Variants in TENM1 observed in about 807,000 individuals in gnomAD.
The protein encoded by TENM1 is teneurin-1.
TENM1 carries 35 observed loss-of-function variants against 174.8 expected under a neutral mutation model. The ratio of observed to expected loss-of-function variants is 0.20; its 90% CI spans 0.15 to 0.27. The LOEUF is 0.27. Ranked by LOEUF, TENM1 falls within the 10% of genes least tolerant of loss-of-function variation. The probability of loss-of-function intolerance (pLI) is 1.00; values close to 1 mark genes in which losing one functional copy is unlikely to be tolerated. For missense variants in TENM1, 1,633 were observed against 2,130.1 expected, an observed-to-expected ratio of 0.77 and a Z score of 4.59; for synonymous variants, 781 against 798.7, an observed-to-expected ratio of 0.98 and a Z score of 0.37.
chrX:124,402,524 C>T (rs887750609), intron 27 of TENM1, among the ~76,000 whole-genome samples: 2 of 112,301 alleles, frequency 1.8e-5, no homozygotes, highest in African/African-American at 6.5e-5. Flanking sequence ...CAATTAGCTT[C>T]TCAGCACTAA....
intron 6 of TENM1, among the ~76,000 whole-genome samples, chrX:124,655,932 G>A (rs2051430359): frequency 8.9e-6 from 1 of 111,952 alleles, no homozygotes; most frequent in African/African-American, 3.2e-5. Context: ...TTAAGTCCTA[G>A]AGCTGACAAT....
chrX:124,392,918 A>T (rs2060297406), intron 27 of TENM1, among the ~76,000 whole-genome samples: 1 of 111,483 alleles, frequency 9.0e-6, no homozygotes, highest in South Asian at 3.8e-4. Flanking sequence ...ACTTAGCAAT[A>T]CTTTCACGGA....
chrX:124,717,962 G>A (rs956476493), intron 4 of TENM1, among the ~76,000 whole-genome samples: 4 of 112,207 alleles, frequency 3.6e-5, no homozygotes, highest in Admixed American at 2.8e-4. Context: ...TTGAAATGAA[G>A]GTATACTACT....
At chrX:124,426,889 T>C (rs1013309602) in intron 23 of TENM1, among the ~76,000 whole-genome samples, 10 of 111,814 alleles carry the variant, frequency 8.9e-5, no homozygotes, top group Non-Finnish European at 1.9e-4. Flanking sequence ...CTGAGGCCTT[T>C]GCATGTCAGT....
At chrX:124,984,855 C>T in the TENM1 span, among the ~76,000 whole-genome samples, 1 of 111,639 alleles carries the variant, frequency 9.0e-6, no homozygotes, top group Non-Finnish European at 1.9e-5. Flanking sequence ...TATAAAATTC[C>T]TCTAATAGGT....
At chrX:124,928,676 A>T (rs187104835) in intron 1 of TENM1, among the ~76,000 whole-genome samples, 17 of 111,931 alleles carry the variant, frequency 1.5e-4, no homozygotes, top group Non-Finnish European at 1.9e-5. Context: ...GGAATCTAGG[A>T]TTTTGTTGGG....
intron 22 of TENM1, among the ~76,000 whole-genome samples, chrX:124,471,447 AC>A (rs2061326476): frequency 4.5e-5 from 2 of 44,552 alleles, no homozygotes; most frequent in Non-Finnish European, 7.4e-5. Context: ...AATATATAGT[AC>A]TATATATAAT....
chrX:124,441,822 T>C (rs2060905557), intron 23 of TENM1, among the ~76,000 whole-genome samples: 1 of 111,980 alleles, frequency 8.9e-6, no homozygotes, highest in African/African-American at 3.2e-5. Context: ...ACTATGAAAA[T>C]AGTTAATTCA....
chrX:124,980,537 A>G, the TENM1 span, among the ~76,000 whole-genome samples: 1 of 111,741 alleles, frequency 8.9e-6, no homozygotes, highest in Non-Finnish European at 1.9e-5. Context: ...AAGTTAAAAT[A>G]GTTTTGGATA....
intron 3 of TENM1, among the ~76,000 whole-genome samples, chrX:124,836,778 G>A (rs2056400040): frequency 8.9e-6 from 1 of 112,406 alleles, no homozygotes; most frequent in South Asian, 3.7e-4. Flanking sequence ...GAAATTACCT[G>A]CTTAAGAAAA....
At chrX:124,845,069 G>A (rs1266856276) in intron 3 of TENM1, among the ~76,000 whole-genome samples, 1 of 111,464 alleles carries the variant, frequency 9.0e-6, no homozygotes, top group African/African-American at 3.3e-5. Flanking sequence ...AGGAGATGGG[G>A]TAAAAACAAA....
chrX:124,859,139 A>G (rs1336970489), intron 3 of TENM1, among the ~76,000 whole-genome samples: 1 of 111,370 alleles, frequency 9.0e-6, no homozygotes, highest in Admixed American at 9.6e-5. Context: ...ATATTTTTGG[A>G]GTCTAGATGA....
chrX:124,462,440 T>TGGGGGG (rs1569532927), intron 22 of TENM1, among the ~76,000 whole-genome samples: 1 of 5,248 alleles, frequency 1.9e-4, no homozygotes, highest in African/African-American at 4.1e-4. Context: ...GTGGGGGGGG[T>TGGGGGG]GGGGGTGGGG....
At chrX:124,498,318 T>A (rs1431209918) in intron 19 of TENM1, among the ~76,000 whole-genome samples, 1 of 111,230 alleles carries the variant, frequency 9.0e-6, no homozygotes, top group African/African-American at 3.3e-5. Context: ...GGTCTCCTGG[T>A]CTCCATGCAT....
rs2051960059 is a variant in TENM1 at position 124,672,894 on chromosome X, A to G, written c.1016-1059T>C. On this transcript the variant is annotated intron_variant, in intron 5 of 31. Coordinates refer to ENST00000422452, the Ensembl canonical transcript of TENM1. Reference sequence around the variant, plus strand: ...TGTGCACATGTTCATGTCTGGAGAAAAAAAGGTTTGGAAGAATATATAGCA... The same window carrying G: ...TGTGCACATGTTCATGTCTGGAGAAGAAAAGGTTTGGAAGAATATATAGCA... 4.5e-5 allele frequency among the ~76,000 whole-genome samples: 5 copies of G among 112,085 alleles called. No homozygotes were observed. The Admixed American group carries it at 4.7e-4, about 11-fold the overall frequency.
chrX:125,179,629 A>G, the TENM1 span, among the ~76,000 whole-genome samples: 1 of 110,961 alleles, frequency 9.0e-6, no homozygotes, highest in East Asian at 2.8e-4. Flanking sequence ...CATGCCTGTC[A>G]GTTCTACATA....
intron 3 of TENM1, among the ~76,000 whole-genome samples, chrX:124,797,236 T>C (rs2055326061): frequency 8.9e-6 from 1 of 111,958 alleles, no homozygotes; most frequent in African/African-American, 3.2e-5. Context: ...CGTGCTGATG[T>C]GACTGAACTG....
intron 3 of TENM1, among the ~76,000 whole-genome samples, chrX:124,777,308 T>C (rs2054808374): frequency 9.0e-6 from 1 of 111,516 alleles, no homozygotes; most frequent in African/African-American, 3.3e-5. Flanking sequence ...AGTAATCCTA[T>C]GTCTGAATTC....
rs781291485 is a variant in TENM1 at position 124,405,221 on chromosome X, C to T, written c.5201G>A (p.Arg1734His). ...CTCCATCCCGCTGGCAAAAGTGACA[C>T]GCAGGGAACCATCTGGATTCACCCG... is the stretch of plus-strand genomic sequence containing the variant. The change falls in exon 27 of 32, where the codon CGT becomes CAT. Residue 1734 changes from arginine to histidine, a missense_variant. Physicochemically the swap from Arg to His is conservative, Grantham distance 29. This residue lies in a region of TENM1 where 807 missense variants were observed against 1,125.3 expected (regional missense o/e 0.72). Coordinates refer to ENST00000422452, the Ensembl canonical transcript of TENM1. The T allele has an allele frequency of 1.5e-5, 18 of 1,209,357 alleles. No homozygotes were observed. Among genetic ancestry groups the T allele is most frequent in the African/African-American group, 8.8e-5 (5 of 56,891 alleles).
Sources: gnomAD v4.1 joint callset for allele counts (sites outside exome capture counted in the v4.1 genomes callset) on GRCh38, gnomAD v4.1.1 for gene constraint, gnomAD v4.1.1 regional missense constraint, MANE v1.5 for transcripts, NCBI Gene and HGNC (gene_info 2026-07-23, HGNC 2026-07-21) for gene names.